Variants in ERC1 observed in about 807,000 individuals in gnomAD.
ERC1 encodes the protein RAB6 interacting protein 2.
Under a neutral mutation model 132.0 loss-of-function variants are expected in ERC1, and 56 were observed. The observed-to-expected ratio is 0.42, with a 90% CI of 0.34 to 0.53. The LOEUF (loss-of-function observed/expected upper bound fraction) is 0.53, where lower values mean the gene tolerates loss of function less well. Ranked by LOEUF, ERC1 falls within the 20% of genes least tolerant of loss-of-function variation. The pLI is 0.03. For missense variants in ERC1, 1,202 were observed against 1,349.9 expected, an observed-to-expected ratio of 0.89 and a Z score of 1.72; for synonymous variants, 478 against 476.1, an observed-to-expected ratio of 1.00 and a Z score of -0.05.
chr12:1,242,189 A>G (rs940515726), intron 13 of ERC1, among the ~76,000 whole-genome samples: 1 of 152,094 alleles, frequency 6.6e-6, no homozygotes, highest in Non-Finnish European at 1.5e-5. Context: ...GTCATCTTCA[A>G]CGTCATTAAC....
At chr12:1,285,488 A>G (rs1302506414) in intron 14 of ERC1, among the ~76,000 whole-genome samples, 2 of 152,214 alleles carry the variant, frequency 1.3e-5, no homozygotes, top group African/African-American at 2.4e-5. Context: ...TTTTAGAATG[A>G]TAGAGGGTTC....
At chr12:1,422,526 T>G (rs1035102740) in intron 17 of ERC1, among the ~76,000 whole-genome samples, 1 of 149,566 alleles carries the variant, frequency 6.7e-6, no homozygotes, top group Non-Finnish European at 1.5e-5. Context: ...TGACAGAATT[T>G]CATTCTTTTT....
intron 13 of ERC1, among the ~76,000 whole-genome samples, chr12:1,246,324 G>A (rs1339789009): frequency 2.0e-5 from 3 of 151,406 alleles, no homozygotes; most frequent in Admixed American, 6.6e-5. Flanking sequence ...GAAATGAAAC[G>A]TGAGCAAAAG....
intron 13 of ERC1, among the ~76,000 whole-genome samples, chr12:1,241,590 G>A (rs1479315348): frequency 6.6e-6 from 1 of 152,076 alleles, no homozygotes; most frequent in Non-Finnish European, 1.5e-5. Flanking sequence ...TTAGCTGTGT[G>A]TATGTGTTTG....
chr12:1,199,285 C>T (rs552243990), intron 12 of ERC1, among the ~76,000 whole-genome samples: 2 of 152,168 alleles, frequency 1.3e-5, no homozygotes, highest in Non-Finnish European at 2.9e-5. Flanking sequence ...CACTGGGGAT[C>T]ACAGTTCAAC....
chr12:1,379,946 G>T (rs2088436521), intron 16 of ERC1: 1 of 152,166 alleles, frequency 6.6e-6, no homozygotes, highest in African/African-American at 2.4e-5. Context: ...GCAAGTGCAT[G>T]AATAAACAAA....
chr12:1,390,469 G>C (rs775727962), intron 16 of ERC1: 5 of 152,152 alleles, frequency 3.3e-5, no homozygotes, highest in Admixed American at 2.0e-4. Context: ...TTACTAAATT[G>C]ATACATTACT....
At chr12:1,485,096 G>C (rs113281819) in intron 18 of ERC1, among the ~76,000 whole-genome samples, 9,664 of 149,596 alleles carry the variant, frequency 0.065, 1,014 homozygotes, top group African/African-American at 0.22. Flanking sequence ...GCTGTGTTGC[G>C]CAGGCTGGTC....
chr12:1,066,971 C>T (rs1939330096), intron 2 of ERC1, among the ~76,000 whole-genome samples: 1 of 152,020 alleles, frequency 6.6e-6, no homozygotes, highest in African/African-American at 2.4e-5. Context: ...CCACACCCAG[C>T]TAGTTTTTGT....
At chr12:1,421,345 C>T (rs918704685) in intron 17 of ERC1, among the ~76,000 whole-genome samples, 23 of 152,166 alleles carry the variant, frequency 1.5e-4, no homozygotes, top group Non-Finnish European at 1.9e-4. Flanking sequence ...GATCAGAGGA[C>T]GAGAGATATT....
chr12:1,278,717 G>A (rs1174536185), intron 14 of ERC1, among the ~76,000 whole-genome samples: 1 of 152,008 alleles, frequency 6.6e-6, no homozygotes, highest in Non-Finnish European at 1.5e-5. Flanking sequence ...TATATTTAAA[G>A]TTATATTCAT....
At chr12:1,318,188 C>T (rs2154352853) in intron 15 of ERC1, among the ~76,000 whole-genome samples, 1 of 152,106 alleles carries the variant, frequency 6.6e-6, no homozygotes, top group East Asian at 1.9e-4. Flanking sequence ...ATTTTTTCTG[C>T]CCTTCACAAA....
In ERC1 at chr12:1,217,737, G is replaced by A. The variant is rs562564934; in HGVS notation, c.2352-19032G>A. ...CTTTTTTTTGTTTGTTTTGAACCTCGTATGGCCTCACACTTCCTTCCTTAC... is the reference window on the plus strand; with the variant it reads ...CTTTTTTTTGTTTGTTTTGAACCTCATATGGCCTCACACTTCCTTCCTTAC... On this transcript the variant is annotated intron_variant, in intron 12 of 18. Transcript: ENST00000360905. Among the ~76,000 whole-genome samples the A allele has an allele frequency of 9.9e-5, 15 of 152,106 alleles. No homozygotes were observed. The East Asian group carries it at 1.7e-3, about 18-fold the overall frequency.
intron 15 of ERC1, among the ~76,000 whole-genome samples, chr12:1,360,266 C>T (rs915326432): frequency 5.9e-5 from 9 of 152,174 alleles, no homozygotes; most frequent in Admixed American, 1.3e-4. Context: ...TGTCATTCAG[C>T]AGAAGTGCTC....
intron 18 of ERC1, among the ~76,000 whole-genome samples, chr12:1,469,227 C>A (rs1344097217): frequency 6.6e-6 from 1 of 152,224 alleles, no homozygotes; most frequent in Non-Finnish European, 1.5e-5. Context: ...AGCCTTGAGC[C>A]CAGCTCTTGA....
chr12:1,179,652 C>A (rs200086274), intron 8 of ERC1, among the ~76,000 whole-genome samples: 2 of 142,196 alleles, frequency 1.4e-5, no homozygotes, highest in Non-Finnish European at 3.2e-5. Flanking sequence ...GGACTACAGG[C>A]GCCCGCCACT....
At chr12:1,180,284 C>T (rs74057282) in intron 8 of ERC1, among the ~76,000 whole-genome samples, 9,776 of 122,318 alleles carry the variant, frequency 0.08, 527 homozygotes, top group African/African-American at 0.21. Flanking sequence ...TGTGTGTGTG[C>T]GCGCACGCGT....
At chr12:1,109,405 C>T (rs1945605635) in intron 4 of ERC1, among the ~76,000 whole-genome samples, 1 of 152,170 alleles carries the variant, frequency 6.6e-6, no homozygotes. Context: ...TATTATTGCA[C>T]ATATAGCTGT....
chr12:1,440,382 AT>A (rs1365449717), intron 17 of ERC1, among the ~76,000 whole-genome samples: 1 of 147,662 alleles, frequency 6.8e-6, no homozygotes, highest in East Asian at 2.0e-4. Context: ...TTTTTTTTGT[AT>A]TTTTAGTAGA....
Sources: allele counts gnomAD v4.1 joint callset (sites outside exome capture counted in the v4.1 genomes callset), GRCh38; gene constraint gnomAD v4.1.1; transcripts MANE v1.5; gene names NCBI Gene and HGNC (gene_info 2026-07-23, HGNC 2026-07-21).